Variants in POLR1B observed in about 807,000 individuals in gnomAD.
The protein encoded by POLR1B is DNA-directed RNA polymerase I subunit RPA2.
A neutral mutation model predicts 105.8 loss-of-function variants in POLR1B; 30 were observed. The observed-to-expected ratio is 0.28, with a 90% CI of 0.21 to 0.38. The LOEUF (loss-of-function observed/expected upper bound fraction) is 0.38. Among genes scored for constraint, POLR1B ranks in the 10% least tolerant of loss-of-function variants. The probability of loss-of-function intolerance (pLI) is 1.00; values close to 1 mark genes in which losing one functional copy is unlikely to be tolerated. For synonymous variants in POLR1B, 485 were observed against 505.1 expected, an observed-to-expected ratio of 0.96 and a Z score of 0.53; for missense variants, 976 against 1,435.8, an observed-to-expected ratio of 0.68 and a Z score of 5.17.
At position 112,575,084 on chromosome 2, in the gene POLR1B, A is replaced by G. The variant is rs747976754; in HGVS notation, c.2763A>G (p.Pro921=). 6 of 1,614,200 alleles carry G rather than the reference A, an allele frequency of 3.7e-6. No homozygotes were observed. The South Asian group carries it at 5.5e-5, about 15-fold the overall frequency. ...TTCTGTTCAATCCCCATGGTTTTCCATCCCGCATGACCATTGGGATGTTAA... is the reference window on the plus strand; with the variant it reads ...TTCTGTTCAATCCCCATGGTTTTCCGTCCCGCATGACCATTGGGATGTTAA... ...PDILFNPHGF[P]SRMTIGMLIE... Residue 921 remains proline, a synonymous_variant, in exon 15 of 15, where the codon CCA becomes CCG. Transcript: ENST00000263331. This position sits in a 1 kb window ranked among gnomAD's most constrained non-coding sequence, Gnocchi z 5.3.
intron 6 of POLR1B, 82 bp downstream of exon 6, chr2:112,552,080 C>T (rs565225945): frequency 2.0e-5 from 22 of 1,117,974 alleles, no homozygotes; most frequent in African/African-American, 1.4e-4. Context: ...TTTGGGCGGG[C>T]GAGTCATTTG....
At chr2:112,563,520 C>A (rs1684119121) in intron 9 of POLR1B, among the ~76,000 whole-genome samples, 1 of 152,176 alleles carries the variant, frequency 6.6e-6, no homozygotes, top group Non-Finnish European at 1.5e-5. Context: ...GTTTTATCAA[C>A]TAAGTTTATG....
At chr2:112,557,757 T>C (rs1212909523) in intron 7 of POLR1B, among the ~76,000 whole-genome samples, 153 bp from the exon 8 acceptor site, 1 of 132,788 alleles carries the variant, frequency 7.5e-6, no homozygotes, top group East Asian at 2.6e-4. Context: ...CTCTGGCTAA[T>C]TTTTTTGTAG....
chr2:112,575,844 C>A lies in POLR1B; in HGVS notation c.*115C>A. On this transcript the variant is annotated 3_prime_UTR_variant, in exon 15 of 15. Coordinates refer to ENST00000263331, the MANE Select transcript of POLR1B (RefSeq NM_019014.6). The surrounding 1 kb of genome is among the most constrained non-coding windows in gnomAD (Gnocchi z 5.3). Reference sequence around the variant, plus strand: ...TTGAGATTTTTCAACGGTGTTAGAACTCTCAACCAAGACCTGAAAACCAAG... The same window carrying A: ...TTGAGATTTTTCAACGGTGTTAGAAATCTCAACCAAGACCTGAAAACCAAG... 1 of 1,188,366 alleles carries A rather than the reference C, an allele frequency of 8.4e-7. No homozygotes were observed. Among genetic ancestry groups the A allele is most frequent in the Non-Finnish European group, 1.2e-6 (1 of 854,924 alleles). The allele number at this position is 1,188,366 out of a possible 1,614,324, so 73.6% of individuals were successfully genotyped here.
rs372179206 is a variant in POLR1B at position 112,550,830 on chromosome 2, A to G, written c.626-36A>G. On this transcript the variant is annotated intron_variant, in intron 4 of 14. Transcript: ENST00000263331. The stretch of plus-strand genomic sequence containing the variant: ...AATGGTTGAAGCAATTAAGATATCA[A>G]TGAGTTTCTGATTTTTTTGTTGTTT... The G allele has an allele frequency of 5.5e-5, 89 of 1,606,464 alleles. No homozygotes were observed. The Middle Eastern group carries it at 6.6e-4, about 12-fold the overall frequency.
intron 1 of POLR1B, among the ~76,000 whole-genome samples, chr2:112,543,142 C>T (rs1682850882): frequency 6.6e-6 from 1 of 151,972 alleles, no homozygotes; most frequent in Non-Finnish European, 1.5e-5. Flanking sequence ...AAGCAGGTGC[C>T]GAGGAAGGTA....
intron 13 of POLR1B, 142 bp from the exon 14 acceptor site, chr2:112,573,420 G>A: frequency 8.8e-7 from 1 of 1,133,704 alleles, no homozygotes; most frequent in Non-Finnish European, 1.2e-6. Flanking sequence ...GGTTTTTGTA[G>A]TTAGTATCAG....
At chr2:112,561,310 C>T (rs1436217972) in intron 9 of POLR1B, among the ~76,000 whole-genome samples, 3 of 152,064 alleles carry the variant, frequency 2.0e-5, no homozygotes, top group African/African-American at 7.2e-5. Context: ...GGGTTTTTTG[C>T]TCTAGCACTG....
At chr2:112,546,829 C>T in intron 1 of POLR1B, 183 bp from the exon 2 acceptor site, 1 of 512,684 alleles carries the variant, frequency 2.0e-6, no homozygotes, top group South Asian at 2.4e-5. Context: ...TCCCAAAGTG[C>T]TGAGATTACA....
chr2:112,564,253 A>G (rs968360709), intron 9 of POLR1B, 113 bp from the exon 10 acceptor site: 1 of 1,281,364 alleles, frequency 7.8e-7, no homozygotes, highest in Non-Finnish European at 1.1e-6. Flanking sequence ...TTTTAGAGAC[A>G]AGGATAATTT....
At position 112,559,514 on chromosome 2, in the gene POLR1B, T is replaced by C; in HGVS notation, c.1552T>C (p.Cys518Arg). Residue 518 changes from cysteine (C) to arginine (R), a missense_variant, in exon 9 of 15, where the codon TGT becomes CGT. Physicochemically the swap from Cys to Arg is radical, Grantham distance 180. Around this residue, in one of 12 missense-constraint regions of POLR1B, gnomAD observed 184 missense variants for 197.4 expected, o/e 0.93. Coordinates refer to ENST00000263331, the MANE Select transcript of POLR1B (RefSeq NM_019014.6). ...CCTGATGAACCACCTAACTGCCGTA[T>C]GTGAGGTTGTCACACAGTTTGTGTA... ...CGLMNHLTAV[C>R]EVVTQFVYTA... 6.2e-7 allele frequency: 1 copy of C among 1,614,266 alleles called. No individual in the cohort carries two copies. The highest frequency in any genetic ancestry group is 8.5e-7 in the Non-Finnish European group (1 of 1,180,034).
Position 112,568,265 on chromosome 2 carries a change from A to G in POLR1B, c.1917+128A>G. 3.1e-6 allele frequency: 3 copies of G among 964,538 alleles called. No individual in the cohort carries two copies. In the South Asian group the frequency reaches 5.3e-5, roughly 17 times the overall value. The allele number at this position is 964,538 out of a possible 1,614,324, so 59.7% of individuals were successfully genotyped here. A position where few individuals can be genotyped will look rare whatever the true frequency, so the allele number is the denominator to read the frequency against. On this transcript the variant is annotated intron_variant, in intron 11 of 14. Coordinates refer to ENST00000263331, the MANE Select transcript of POLR1B (RefSeq NM_019014.6). ...AACAACAGTTGGACATTTGAAAGAA[A>G]GTCAGACTTTCCACCTCCTCTATGA...
rs559831399 is a variant in POLR1B at position 112,568,764 on chromosome 2, A to G, written c.1936A>G (p.Ile646Val). 24 of 1,613,992 alleles carry G rather than the reference A, an allele frequency of 1.5e-5. No individual in the cohort carries two copies. Among genetic ancestry groups the G allele is most frequent in the South Asian group, 9.9e-5 (9 of 91,080 alleles). ...CTTCCAGATCTTCATGAATGTCGCT[A>G]TCTTTGAGGATGAAGTTTTTGCTGG... ...TMEQIFMNVA[I>V]FEDEVFAGVT... Residue 646 changes from isoleucine to valine, a missense_variant, in exon 12 of 15, where the codon ATC (isoleucine) becomes GTC (valine). Transcript: ENST00000263331.
At position 112,561,316 on chromosome 2, in the gene POLR1B, C is replaced by T. The variant is rs147869243; in HGVS notation, c.1612+1742C>T. Among the ~76,000 whole-genome samples, 860 of 152,214 alleles carry T rather than the reference C, an allele frequency of 5.6e-3. 4 individuals carry two copies. The highest frequency in any genetic ancestry group is 9.6e-3 in the Non-Finnish European group (652 of 68,014). On this transcript the variant is annotated intron_variant, in intron 9 of 14. Coordinates refer to ENST00000263331, the MANE Select transcript of POLR1B (RefSeq NM_019014.6). ...GATGGGGAAGGGTTTTTTGCTCTAG[C>T]ACTGGAGAAGAAGACGGAATCGCTA... is the stretch of plus-strand genomic sequence containing the variant.
chr2:112,546,791 C>G (rs1683075691), intron 1 of POLR1B: 1 of 381,866 alleles, frequency 2.6e-6, no homozygotes, highest in African/African-American at 2.1e-5. Flanking sequence ...TCTCGATCTC[C>G]TGACCTTGTG....
At chr2:112,542,063 C>A, upstream of POLR1B, 1 of 1,510,198 alleles carries the variant, frequency 6.6e-7, no homozygotes, top group South Asian at 1.2e-5. Flanking sequence ...TCCCCAGGGT[C>A]GGCATCAGCG....
Position 112,542,627 on chromosome 2 carries a change from T to C in POLR1B, c.133T>C (p.Ser45Pro), listed in dbSNP as rs1682816717. 2 of 1,613,882 alleles carry C rather than the reference T, an allele frequency of 1.2e-6. No individual in the cohort carries two copies. The highest frequency in any genetic ancestry group is 1.7e-6 in the Non-Finnish European group (2 of 1,179,976). ...GGAGCTGACGCGGGCGCACGTGGAG[T>C]CCTTCAACTACGCTGTGCACGAGGG... ...LQELTRAHVE[S>P]FNYAVHEGLG... The change falls in exon 1 of 15, where the codon TCC (serine) becomes CCC (proline). Residue 45 changes from serine (S) to proline (P), a missense_variant. Physicochemically the swap from Ser to Pro is moderately conservative, Grantham distance 74. Coordinates refer to ENST00000263331, the MANE Select transcript of POLR1B (RefSeq NM_019014.6).
At chr2:112,568,287 A>C in intron 11 of POLR1B, 150 bp downstream of exon 11, 1 of 781,474 alleles carries the variant, frequency 1.3e-6, no homozygotes, top group South Asian at 1.9e-5. Context: ...CACCTCCTCT[A>C]TGATCAGCAC....
At position 112,573,825 on chromosome 2, in the gene POLR1B, G is replaced by A. The variant is rs995938715; in HGVS notation, c.2525+10G>A. 1.2e-6 allele frequency: 2 copies of A among 1,607,884 alleles called. No individual in the cohort carries two copies. Among genetic ancestry groups the A allele is most frequent in the Non-Finnish European group, 1.7e-6 (2 of 1,175,814 alleles). Reference sequence around the variant, plus strand: ...TTGTGATGTACTATAAGTAAGTTTGGGTATCCAAGCTGTTTTGTTTTTGTT... The same window carrying A: ...TTGTGATGTACTATAAGTAAGTTTGAGTATCCAAGCTGTTTTGTTTTTGTT... On this transcript the variant is annotated intron_variant, in intron 14 of 14. Coordinates refer to ENST00000263331, the MANE Select transcript of POLR1B (RefSeq NM_019014.6).
Sources: allele counts gnomAD v4.1 joint callset (sites outside exome capture counted in the v4.1 genomes callset), GRCh38; gene constraint gnomAD v4.1.1; regional missense constraint gnomAD v4.1.1; non-coding constraint Gnocchi (gnomAD v3.1); transcripts MANE v1.5; gene names NCBI Gene and HGNC (gene_info 2026-07-23, HGNC 2026-07-21).